The following TMPRSS2 variants were observed in gnomAD, a reference collection of about 807,000 sequenced individuals.
The protein encoded by TMPRSS2 is transmembrane protease serine 2.
A neutral mutation model predicts 67.4 loss-of-function variants in TMPRSS2; 59 were observed. The ratio of observed to expected loss-of-function variants is 0.88; its 90% CI spans 0.71 to 1.09. TMPRSS2 has a LOEUF of 1.09. Among genes scored for constraint, TMPRSS2 ranks in the 50% least tolerant of loss-of-function variants. The pLI is 0.00. For synonymous variants in TMPRSS2, 257 were observed against 257.0 expected, an observed-to-expected ratio of 1.00 and a Z score of 0.00; for missense variants, 668 against 642.7, an observed-to-expected ratio of 1.04 and a Z score of -0.43.
Position 41,473,317 on chromosome 21 carries a change from T to A in TMPRSS2, c.899+8A>T. On this transcript the variant is annotated splice_region_variant and intron_variant, in intron 9 of 13. Transcript: ENST00000332149. ...GCCCCCACCCGGCCCGCGCCGCCCC[T>A]GGCATACTTTTCCACGCAGTGGGCG... The A allele has an allele frequency of 1.3e-6, 2 of 1,587,284 alleles. No homozygotes were observed. Among genetic ancestry groups the A allele is most frequent in the Non-Finnish European group, 1.7e-6 (2 of 1,165,312 alleles).
intron 6 of TMPRSS2, among the ~76,000 whole-genome samples, 182 bp downstream of exon 6, chr21:41,480,294 G>A (rs1451633470): frequency 1.3e-5 from 2 of 152,280 alleles, no homozygotes; most frequent in Non-Finnish European, 2.9e-5. Flanking sequence ...GCCAAGGTCT[G>A]TGTGCTGGGC....
At chr21:41,485,333 T>C (rs1232243700) in intron 5 of TMPRSS2, among the ~76,000 whole-genome samples, 1 of 152,050 alleles carries the variant, frequency 6.6e-6, no homozygotes, top group East Asian at 1.9e-4. Context: ...TTCACCCACA[T>C]GTGCACATAG....
chr21:41,483,759 G>C (rs2091274919), intron 5 of TMPRSS2, among the ~76,000 whole-genome samples: 1 of 136,018 alleles, frequency 7.4e-6, no homozygotes, highest in African/African-American at 2.7e-5. Context: ...AAGGTCTCAA[G>C]CTAGTCCTTT....
rs989768620 is a variant in TMPRSS2, at chr21:41,488,400, G to A, written c.439C>T (p.Arg147Trp). 5 of 1,612,250 alleles carry A rather than the reference G, an allele frequency of 3.1e-6. No homozygotes were observed. Among genetic ancestry groups the A allele is most frequent in the African/African-American group, 1.3e-5 (1 of 74,876 alleles). Residue 147 changes from arginine (R) to tryptophan (W), a missense_variant, in exon 5 of 14, where the codon CGG (arginine) becomes TGG (tryptophan). By Grantham distance (101) the Arg-to-Trp change is moderately radical. Coordinates refer to ENST00000332149, the MANE Select transcript of TMPRSS2 (RefSeq NM_005656.4). ...AAGGTCAAGGCTGACTCACCACACCGATTCTCGTCCTCCCCGCCGGGGCAG... is the reference window on the plus strand; with the variant it reads ...AAGGTCAAGGCTGACTCACCACACCAATTCTCGTCCTCCCCGCCGGGGCAG... Reference protein sequence around the residue: ...SHCPGGEDENRCVRLYGPNFI... With the variant: ...SHCPGGEDENWCVRLYGPNFI...
chr21:41,466,626 G>A (rs960493216), intron 13 of TMPRSS2, among the ~76,000 whole-genome samples: 5 of 152,074 alleles, frequency 3.3e-5, no homozygotes, highest in East Asian at 1.9e-4. Context: ...GCCAGGTGAC[G>A]CCCCCTGGGC....
chr21:41,502,721 ACACAATGATTGG>A (rs1473530513), intron 1 of TMPRSS2, among the ~76,000 whole-genome samples: 1 of 152,204 alleles, frequency 6.6e-6, no homozygotes, highest in Admixed American at 6.5e-5. Context: ...TAAATTGCAT[ACACAATGATTGG>A]CACAAGAGTT....
At chr21:41,500,162 G>T (rs901216710) in intron 1 of TMPRSS2, among the ~76,000 whole-genome samples, 2 of 152,214 alleles carry the variant, frequency 1.3e-5, no homozygotes, top group Non-Finnish European at 2.9e-5. Context: ...TGACCTGGAG[G>T]AAGCTATTGA....
intron 6 of TMPRSS2, among the ~76,000 whole-genome samples, chr21:41,479,918 C>T (rs1436787542): frequency 2.6e-5 from 4 of 152,106 alleles, no homozygotes; most frequent in East Asian, 1.9e-4. Context: ...CACTGTCAGG[C>T]GACACACACC....
At chr21:41,476,755 C>T (rs1251881363) in intron 7 of TMPRSS2, 135 bp from the exon 8 acceptor site, 3 of 799,792 alleles carry the variant, frequency 3.8e-6, no homozygotes, top group Admixed American at 3.9e-5. Flanking sequence ...CTAGTTACAA[C>T]TCCAATAAGG....
intron 1 of TMPRSS2, among the ~76,000 whole-genome samples, chr21:41,500,548 T>C (rs567552202): frequency 3.9e-5 from 6 of 152,328 alleles, no homozygotes; most frequent in Admixed American, 3.3e-4. Context: ...AAAATGAGTA[T>C]ATGGCTTTTT....
intron 6 of TMPRSS2, among the ~76,000 whole-genome samples, chr21:41,479,825 C>T (rs1008336744): frequency 6.6e-6 from 1 of 152,166 alleles, no homozygotes; most frequent in Non-Finnish European, 1.5e-5. Context: ...TCCTACCACC[C>T]TCTCCCCCGA....
chr21:41,478,226 T>G lies in TMPRSS2; in HGVS notation c.683+946A>C, dbSNP rs1316997363. Reference sequence around the variant, plus strand: ...CATTCCCCAGGACAGCAGGCTGCAGTGGAAGTCAGGCCCCCAGACCCCTCC... The same window carrying G: ...CATTCCCCAGGACAGCAGGCTGCAGGGGAAGTCAGGCCCCCAGACCCCTCC... On this transcript the variant is annotated intron_variant, in intron 7 of 13. Coordinates refer to ENST00000332149, the MANE Select transcript of TMPRSS2 (RefSeq NM_005656.4). This position sits in a 1 kb window ranked among gnomAD's most constrained non-coding sequence, Gnocchi z 4.0. 1.3e-5 allele frequency among the ~76,000 whole-genome samples: 2 copies of G among 152,130 alleles called. No individual in the cohort carries two copies.
Position 41,488,587 on chromosome 21 carries a change from G to T in TMPRSS2, c.326-74C>A, listed in dbSNP as rs536039173. 1,344 of 1,504,674 alleles carry T rather than the reference G, an allele frequency of 8.9e-4. 28 individuals are homozygous for T. In the South Asian group the frequency reaches 0.014, roughly 16 times the overall value. The allele number at this position is 1,504,674 out of a possible 1,614,324, so 93.2% of individuals were successfully genotyped here. A position where few individuals can be genotyped will look rare whatever the true frequency, so the allele number is the denominator to read the frequency against. ...TGAGCCTCATGGAGTGAGGAACACC[G>T]TGGCATTACTGTAGCTCGCTGCAGC... On this transcript the variant is annotated intron_variant, in intron 4 of 13. Coordinates refer to ENST00000332149, the MANE Select transcript of TMPRSS2 (RefSeq NM_005656.4).
chr21:41,495,606 CA>C (rs2091375407), intron 2 of TMPRSS2, among the ~76,000 whole-genome samples: 1 of 122,620 alleles, frequency 8.2e-6, no homozygotes, highest in Admixed American at 9.5e-5. Flanking sequence ...GCCTGGGCGA[CA>C]AGAGCGAAAC....
In TMPRSS2 at chr21:41,470,622, T is replaced by A. The variant is rs749103473; in HGVS notation, c.1171+26A>T. 6.0e-5 allele frequency: 96 copies of A among 1,607,794 alleles called. No homozygotes were observed. The Middle Eastern group carries it at 9.9e-4, about 17-fold the overall frequency. Reference sequence around the variant, plus strand: ...AATGCTCCATCTGTGGGCCCTGCAGTCCTGTGTGCCCAGGAGCAGCCTCAC... The same window carrying A: ...AATGCTCCATCTGTGGGCCCTGCAGACCTGTGTGCCCAGGAGCAGCCTCAC... On this transcript the variant is annotated intron_variant, in intron 11 of 13. Coordinates refer to ENST00000332149, the MANE Select transcript of TMPRSS2 (RefSeq NM_005656.4).
chr21:41,468,507 C>T lies in TMPRSS2; in HGVS notation c.1203G>A (p.Lys401=), dbSNP rs2091103574. Residue 401 remains lysine (K), a synonymous_variant, in exon 12 of 14, where the codon AAG becomes AAA. Coordinates refer to ENST00000332149, the MANE Select transcript of TMPRSS2 (RefSeq NM_005656.4). ...ATCTCTGTGTCTCAATGAGAAGCAC[C>T]TTGGCAGCGTTCAGCACTTCTGAGG... ...GKTSEVLNAA[K]VLLIETQRCN... The T allele has an allele frequency of 6.2e-7, 1 of 1,614,150 alleles. No individual in the cohort carries two copies.
rs373852195 is a variant in TMPRSS2 at position 41,480,389 on chromosome 21, G to A, written c.572+87C>T. On this transcript the variant is annotated intron_variant, in intron 6 of 13. Coordinates refer to ENST00000332149, the MANE Select transcript of TMPRSS2 (RefSeq NM_005656.4). ...CAATTGTCCCCAGCACTCATGTGCC[G>A]GTGCTTTCACAGGGAGGCAGAGAGA... The A allele has an allele frequency of 4.1e-4, 641 of 1,561,340 alleles. 1 individual carries two copies. Among genetic ancestry groups the A allele is most frequent in the Non-Finnish European group, 4.4e-4 (506 of 1,154,474 alleles).
intron 2 of TMPRSS2, among the ~76,000 whole-genome samples, chr21:41,497,808 G>A (rs56695953): frequency 0.14 from 21,454 of 152,130 alleles, 1,782 homozygotes; most frequent in Non-Finnish European, 0.19. Context: ...CCCTGTTATC[G>A]CCATCCTGCC....
intron 3 of TMPRSS2, among the ~76,000 whole-genome samples, chr21:41,493,315 G>A (rs1027856921): frequency 1.3e-5 from 2 of 152,190 alleles, no homozygotes; most frequent in South Asian, 2.1e-4. Context: ...CTCAGAGACA[G>A]GAGGTGGCTG....
Sources: allele counts gnomAD v4.1 joint callset (sites outside exome capture counted in the v4.1 genomes callset), GRCh38; gene constraint gnomAD v4.1.1; non-coding constraint Gnocchi (gnomAD v3.1); transcripts MANE v1.5; gene names NCBI Gene and HGNC (gene_info 2026-07-23, HGNC 2026-07-21).